The following MARCHF1 variants were observed in gnomAD, a reference collection of about 807,000 sequenced individuals.
The protein encoded by MARCHF1 is membrane associated ring-CH-type finger 1, also known as E3 ubiquitin-protein ligase MARCHF1.
A neutral mutation model predicts 54.2 loss-of-function variants in MARCHF1; 40 were observed. The ratio of observed to expected loss-of-function variants is 0.74; its 90% CI spans 0.57 to 0.96. The LOEUF is 0.96. MARCHF1 is among the 40% of genes least tolerant of loss of function. The pLI is 0.00. For synonymous variants in MARCHF1, 236 were observed against 236.3 expected (o/e 1.00, Z 0.01); for missense variants, 586 against 656.5 (o/e 0.89, Z 1.17).
intron 1 of MARCHF1, chr4:164,188,404 G>A (rs1731033036): frequency 1.9e-6 from 1 of 526,596 alleles, no homozygotes; most frequent in East Asian, 3.5e-5. Context: ...CCCTGGTGGC[G>A]GCGATGCTGC....
chr4:164,012,659 C>T, intron 2 of MARCHF1, among the ~76,000 whole-genome samples: 1 of 152,226 alleles, frequency 6.6e-6, no homozygotes, highest in South Asian at 2.1e-4. Context: ...GTCCACATCA[C>T]CCCTTTCCCC....
At chr4:164,171,716 T>C (rs1488312851) in intron 1 of MARCHF1, among the ~76,000 whole-genome samples, 1 of 152,156 alleles carries the variant, frequency 6.6e-6, no homozygotes, top group Non-Finnish European at 1.5e-5. Flanking sequence ...AGGTCCTCAG[T>C]ATACTGACTT....
chr4:163,912,551 A>G (rs1751216778), intron 3 of MARCHF1, among the ~76,000 whole-genome samples: 1 of 152,142 alleles, frequency 6.6e-6, no homozygotes, highest in African/African-American at 2.4e-5. Flanking sequence ...CTGACTTTTG[A>G]GTTGGATCTA....
At chr4:163,554,272 C>A (rs1739212225) in intron 8 of MARCHF1, among the ~76,000 whole-genome samples, 6 of 152,180 alleles carry the variant, frequency 3.9e-5, no homozygotes, top group Admixed American at 3.3e-4. Flanking sequence ...GAGGAATACG[C>A]CACTAAGAAT....
intron 1 of MARCHF1, among the ~76,000 whole-genome samples, chr4:164,276,773 A>T (rs1351007236): frequency 6.7e-6 from 1 of 150,122 alleles, no homozygotes; most frequent in Non-Finnish European, 1.5e-5. Flanking sequence ...TGTAAAAAAC[A>T]GTAATTGCTA....
rs1392528920 is a variant in MARCHF1, at chr4:164,276,947, T to TATATATATATAGAGAGAG, written c.-323+106922_-323+106923insCTCTCTCTATATATATAT. 1.7e-4 allele frequency among the ~76,000 whole-genome samples: 20 copies of TATATATATATAGAGAGAG among 118,796 alleles called. No homozygotes were observed. In the South Asian group the frequency reaches 3.1e-3, roughly 19 times the overall value. The allele number at this position is 118,796 out of a possible 152,430, so 77.9% of individuals were successfully genotyped here. A position where few individuals can be genotyped will look rare whatever the true frequency, so the allele number is the denominator to read the frequency against. ...ATGTCTCATATTCTATATATATATATAGAGAGAGAGAGAGAGAGAGACAGA... is the reference window on the plus strand; with the variant it reads ...ATGTCTCATATTCTATATATATATATATATATATATAGAGAGAGAGAGAGAGAGAGAGAGAGAGACAGA... On this transcript the variant is annotated intron_variant, in intron 1 of 9. Coordinates refer to ENST00000514618, the MANE Select transcript of MARCHF1 (RefSeq NM_001394959.1).
chr4:164,208,942 TTCTCTG>T (rs1731687793), intron 1 of MARCHF1, among the ~76,000 whole-genome samples: 1 of 151,716 alleles, frequency 6.6e-6, no homozygotes, highest in African/African-American at 2.4e-5. Flanking sequence ...AATACCCTGT[TTCTCTG>T]TCTCTGTCTG....
intron 5 of MARCHF1, among the ~76,000 whole-genome samples, chr4:163,625,155 CTA>C (rs1243754044): frequency 2.6e-5 from 4 of 152,160 alleles, no homozygotes; most frequent in African/African-American, 9.7e-5. Flanking sequence ...TGCCTTTACT[CTA>C]TAGACAAAAC....
chr4:164,100,918 G>A (rs536304736), intron 2 of MARCHF1, among the ~76,000 whole-genome samples: 261 of 152,254 alleles, frequency 1.7e-3, no homozygotes, highest in African/African-American at 6.1e-3. Context: ...CAGTGCGCGA[G>A]CCGAAGTAGG....
intron 4 of MARCHF1, among the ~76,000 whole-genome samples, chr4:163,726,965 C>T (rs1319421015): frequency 6.6e-6 from 1 of 152,166 alleles, no homozygotes; most frequent in Non-Finnish European, 1.5e-5. Flanking sequence ...TTTTGGGTAA[C>T]AGTCCTTTAC....
At chr4:163,969,471 C>G (rs1393512921) in intron 3 of MARCHF1, among the ~76,000 whole-genome samples, 1 of 152,170 alleles carries the variant, frequency 6.6e-6, no homozygotes, top group Non-Finnish European at 1.5e-5. Flanking sequence ...ACAGTTGGAA[C>G]ATGACAGAAC....
chr4:163,758,661 C>T (rs1011341384), intron 4 of MARCHF1, among the ~76,000 whole-genome samples: 1 of 152,138 alleles, frequency 6.6e-6, no homozygotes, highest in Admixed American at 6.5e-5. Flanking sequence ...GGTTAATACA[C>T]ATGTTGTAAC....
At chr4:163,913,922 G>T (rs1751250417) in intron 3 of MARCHF1, among the ~76,000 whole-genome samples, 1 of 152,154 alleles carries the variant, frequency 6.6e-6, no homozygotes, top group South Asian at 2.1e-4. Flanking sequence ...TTTGCACAGT[G>T]GGGGCGGCAG....
chr4:163,533,028 T>TA (rs1198325811), intron 9 of MARCHF1, among the ~76,000 whole-genome samples: 1 of 152,072 alleles, frequency 6.6e-6, no homozygotes, highest in African/African-American at 2.4e-5. Flanking sequence ...AACAAAAACT[T>TA]ACGTCCACAC....
At chr4:164,358,854 C>T (rs535531369) in intron 1 of MARCHF1, among the ~76,000 whole-genome samples, 50 of 151,978 alleles carry the variant, frequency 3.3e-4, no homozygotes, top group East Asian at 1.9e-3. Flanking sequence ...TATTGGACAT[C>T]GAGCAATTGG....
At chr4:164,169,522 T>C (rs1375337168) in intron 1 of MARCHF1, among the ~76,000 whole-genome samples, 4 of 152,058 alleles carry the variant, frequency 2.6e-5, no homozygotes, top group Non-Finnish European at 4.4e-5. Flanking sequence ...AGACAGACCA[T>C]AGATTACCAA....
intron 1 of MARCHF1, among the ~76,000 whole-genome samples, chr4:164,260,538 C>G (rs1733432806): frequency 6.6e-6 from 1 of 151,988 alleles, no homozygotes; most frequent in Non-Finnish European, 1.5e-5. Flanking sequence ...CTCCAGGGGC[C>G]TCACATTAGA....
chr4:164,071,427 A>G (rs1754865001), intron 2 of MARCHF1, among the ~76,000 whole-genome samples: 1 of 151,820 alleles, frequency 6.6e-6, no homozygotes, highest in African/African-American at 2.4e-5. Context: ...TTCATTTTGA[A>G]ATAAAAATTA....
chr4:163,983,357 T>G (rs2110873504), intron 3 of MARCHF1, among the ~76,000 whole-genome samples: 1 of 152,350 alleles, frequency 6.6e-6, no homozygotes, highest in East Asian at 1.9e-4. Context: ...ATATTCTGAA[T>G]TTTGTCCCAG....
Sources: allele counts gnomAD v4.1 joint callset (sites outside exome capture counted in the v4.1 genomes callset), GRCh38; gene constraint gnomAD v4.1.1; transcripts MANE v1.5; gene names NCBI Gene and HGNC (gene_info 2026-07-23, HGNC 2026-07-21).